Variants in CDH2 observed in about 807,000 individuals in gnomAD.
CDH2 encodes cadherin-2.
Under a neutral mutation model 92.0 loss-of-function variants are expected in CDH2, and 17 were observed. The ratio of observed to expected loss-of-function variants is 0.18; its 90% confidence interval spans 0.13 to 0.28. The LOEUF (loss-of-function observed/expected upper bound fraction) is 0.28, where lower values mean the gene tolerates loss of function less well. Ranked by LOEUF, CDH2 falls within the 10% of genes least tolerant of loss-of-function variation. CDH2 has a pLI of 1.00. For missense variants in CDH2, 862 were observed against 1,133.1 expected (o/e 0.76, Z 3.44); for synonymous variants, 419 against 415.9 (o/e 1.01, Z -0.09).
chr18:28,122,019 T>C (rs1038231028), intron 2 of CDH2, among the ~76,000 whole-genome samples: 1 of 152,152 alleles, frequency 6.6e-6, no homozygotes, highest in Non-Finnish European at 1.5e-5. Flanking sequence ...ACACATGGTG[T>C]TGGTGCCTCT....
intron 2 of CDH2, among the ~76,000 whole-genome samples, chr18:28,142,607 G>A (rs1351183656): frequency 4.6e-5 from 7 of 151,250 alleles, no homozygotes; most frequent in Non-Finnish European, 8.9e-5. Context: ...AATGTCCTCC[G>A]CCCCTGAGAA....
At chr18:28,139,815 CCA>C (rs1231211176) in intron 2 of CDH2, among the ~76,000 whole-genome samples, 1 of 151,988 alleles carries the variant, frequency 6.6e-6, no homozygotes, top group Non-Finnish European at 1.5e-5. Flanking sequence ...ACATTCAGCT[CCA>C]CAGTGATTTT....
intron 2 of CDH2, among the ~76,000 whole-genome samples, chr18:28,110,657 C>G (rs1372146424): frequency 6.6e-6 from 1 of 152,064 alleles, no homozygotes. Context: ...CTGAGGATTT[C>G]TTTTTGCCAC....
chr18:28,090,637 C>G (rs1210868576), intron 2 of CDH2, among the ~76,000 whole-genome samples: 1 of 152,172 alleles, frequency 6.6e-6, no homozygotes, highest in East Asian at 1.9e-4. Context: ...GTAGCTTGTA[C>G]TGTATTCCAG....
intron 2 of CDH2, among the ~76,000 whole-genome samples, chr18:28,043,154 T>G (rs181394863): frequency 6.6e-6 from 1 of 152,170 alleles, no homozygotes; most frequent in East Asian, 1.9e-4. Flanking sequence ...TGCAGCAACT[T>G]GGATGGAGCT....
intron 2 of CDH2, among the ~76,000 whole-genome samples, chr18:28,032,585 T>C (rs1482789954): frequency 2.6e-5 from 4 of 152,186 alleles, no homozygotes; most frequent in African/African-American, 9.6e-5. Flanking sequence ...TTCTAAGTCA[T>C]GAGTTCAGAA....
intron 2 of CDH2, among the ~76,000 whole-genome samples, chr18:28,138,869 C>A (rs780517853): frequency 1.3e-5 from 2 of 152,062 alleles, no homozygotes; most frequent in African/African-American, 4.8e-5. Context: ...CACTTTTTAA[C>A]GGTGAGAGCA....
At chr18:28,122,652 G>A (rs529829241) in intron 2 of CDH2, among the ~76,000 whole-genome samples, 6 of 152,186 alleles carry the variant, frequency 3.9e-5, no homozygotes, top group South Asian at 4.1e-4. Flanking sequence ...AAGTTAGCAC[G>A]AAGATTTCTA....
intron 2 of CDH2, among the ~76,000 whole-genome samples, chr18:28,083,568 G>T (rs908552357): frequency 2.0e-5 from 3 of 152,130 alleles, no homozygotes; most frequent in Non-Finnish European, 2.9e-5. Flanking sequence ...AAGCTAGTTT[G>T]CTTTGTGAAT....
intron 2 of CDH2, among the ~76,000 whole-genome samples, chr18:28,048,282 G>A (rs1274601758): frequency 6.7e-6 from 1 of 149,974 alleles, no homozygotes; most frequent in East Asian, 2.0e-4. Flanking sequence ...AGTTTGAATT[G>A]TGGTATGTTT....
In CDH2 at chr18:27,961,180, G is replaced by C. The variant is rs532057487; in HGVS notation, c.2514+2177C>G. On this transcript the variant is annotated intron_variant, in intron 15 of 15. Transcript: ENST00000269141. ...TGAATCTCAATCAGATGTAAAGTGG[G>C]TGGTGCCCAATAGCATCATGCCCTA... 2.0e-4 allele frequency among the ~76,000 whole-genome samples: 31 copies of C among 151,972 alleles called. No homozygotes were observed. The East Asian group carries it at 3.5e-3, about 17-fold the overall frequency.
At chr18:28,009,648 G>T in intron 5 of CDH2, 69 bp downstream of exon 5, 1 of 1,397,732 alleles carries the variant, frequency 7.2e-7, no homozygotes. Context: ...TGATATAAGA[G>T]GCAATGGTAA....
intron 2 of CDH2, among the ~76,000 whole-genome samples, chr18:28,041,277 G>A (rs908051009): frequency 5.3e-5 from 8 of 152,168 alleles, no homozygotes; most frequent in Admixed American, 5.2e-4. Flanking sequence ...GTTTTCTGAA[G>A]TGAAAAACAT....
At chr18:28,011,541 G>A (rs1567963208) in intron 4 of CDH2, among the ~76,000 whole-genome samples, 2 of 152,188 alleles carry the variant, frequency 1.3e-5, no homozygotes, top group Non-Finnish European at 2.9e-5. Flanking sequence ...TGTGTGTTAT[G>A]AGAGTGGAAA....
intron 1 of CDH2, among the ~76,000 whole-genome samples, chr18:28,160,630 T>C (rs1417333619): frequency 1.3e-5 from 2 of 151,888 alleles, no homozygotes; most frequent in African/African-American, 4.8e-5. Context: ...AGCAACTCCA[T>C]AGTAAATGGC....
intron 2 of CDH2, among the ~76,000 whole-genome samples, chr18:28,132,133 T>C (rs1336699317): frequency 1.3e-5 from 2 of 152,216 alleles, no homozygotes; most frequent in South Asian, 2.1e-4. Context: ...GCCTTCGCCA[T>C]GTACACCAGC....
intron 14 of CDH2, among the ~76,000 whole-genome samples, chr18:27,970,929 G>C (rs2011640411): frequency 6.6e-6 from 1 of 152,168 alleles, no homozygotes; most frequent in African/African-American, 2.4e-5. Flanking sequence ...AAAATAGGTG[G>C]GAGGCTGAGG....
intron 2 of CDH2, among the ~76,000 whole-genome samples, chr18:28,101,749 A>G (rs886697837): frequency 6.6e-6 from 1 of 152,138 alleles, no homozygotes; most frequent in Non-Finnish European, 1.5e-5. Flanking sequence ...TGAGGTACAC[A>G]ATAGATTAAA....
At chr18:27,968,222 T>C (rs1428157047) in intron 14 of CDH2, among the ~76,000 whole-genome samples, 2 of 152,234 alleles carry the variant, frequency 1.3e-5, no homozygotes, top group African/African-American at 4.8e-5. Context: ...TCCCACTCTA[T>C]TGATTACCAC....
Sources: allele counts gnomAD v4.1 joint callset (sites outside exome capture counted in the v4.1 genomes callset), GRCh38; gene constraint gnomAD v4.1.1; transcripts MANE v1.5; gene names NCBI Gene and HGNC (gene_info 2026-07-23, HGNC 2026-07-21).